The following ESYT3 variants were observed in gnomAD, a reference collection of about 807,000 sequenced individuals.
ESYT3 encodes extended synaptotagmin-3.
In ESYT3, 101 loss-of-function variants were observed where a neutral mutation model predicts 111.5. The ratio of observed to expected loss-of-function variants is 0.91; its 90% CI spans 0.77 to 1.07. ESYT3 has a LOEUF of 1.07. Among genes scored for constraint, ESYT3 ranks in the 50% least tolerant of loss-of-function variants. The pLI, the probability that ESYT3 is intolerant of heterozygous loss-of-function variation, is 0.00. For synonymous variants in ESYT3, 416 were observed against 446.8 expected (o/e 0.93, Z 0.87); for missense variants, 1,097 against 1,109.4 (o/e 0.99, Z 0.16).
At chr3:138,445,162 T>C (rs1442421458) in intron 1 of ESYT3, among the ~76,000 whole-genome samples, 2 of 152,192 alleles carry the variant, frequency 1.3e-5, no homozygotes, top group African/African-American at 4.8e-5. Flanking sequence ...GCAGAGCTCT[T>C]TGCACTGCCA....
intron 16 of ESYT3, chr3:138,470,394 A>G: frequency 1.6e-6 from 2 of 1,221,238 alleles, no homozygotes; most frequent in Non-Finnish European, 2.1e-6. Context: ...AAGGGTCTTT[A>G]TATTTGCTAC....
At chr3:138,441,314 C>T (rs952927431) in intron 1 of ESYT3, among the ~76,000 whole-genome samples, 8 of 152,166 alleles carry the variant, frequency 5.3e-5, no homozygotes, top group South Asian at 2.1e-4. Context: ...CAGCCAGGGG[C>T]CTGAGGCCCT....
chr3:138,456,136 G>GAGAT (rs894317475), intron 3 of ESYT3, among the ~76,000 whole-genome samples: 3 of 152,258 alleles, frequency 2.0e-5, no homozygotes, highest in African/African-American at 7.2e-5. Flanking sequence ...CTGAGCCCTG[G>GAGAT]AGATTGGGAT....
chr3:138,468,557 G>A (rs1047268001), intron 12 of ESYT3, 98 bp from the exon 13 acceptor site: 1 of 1,243,866 alleles, frequency 8.0e-7, no homozygotes, highest in Non-Finnish European at 1.2e-6. Flanking sequence ...GAGTGTGAAG[G>A]CTAGCTGGCT....
intron 3 of ESYT3, 23 bp from the exon 4 acceptor site, chr3:138,457,545 A>G: frequency 6.2e-7 from 1 of 1,613,178 alleles, no homozygotes; most frequent in Non-Finnish European, 8.5e-7. Context: ...CCTCTGACCT[A>G]GCCCTTTTGG....
chr3:138,460,125 G>A, intron 6 of ESYT3, 91 bp downstream of exon 6: 2 of 1,154,758 alleles, frequency 1.7e-6, no homozygotes, highest in Non-Finnish European at 2.6e-6. Flanking sequence ...GTCCAAGAAT[G>A]GACATTGTCC....
At chr3:138,464,607 G>A (rs2032830013) in intron 9 of ESYT3, 92 bp downstream of exon 9, 10 of 1,361,158 alleles carry the variant, frequency 7.3e-6, no homozygotes, top group Non-Finnish European at 1.0e-5. Flanking sequence ...AGTGGGCCTT[G>A]GAGACAGGCA....
chr3:138,447,847 A>T (rs1386025893), intron 1 of ESYT3, among the ~76,000 whole-genome samples: 2 of 152,084 alleles, frequency 1.3e-5, no homozygotes, highest in African/African-American at 4.8e-5. Flanking sequence ...CTTATAATTT[A>T]AAAAATATAA....
intron 1 of ESYT3, among the ~76,000 whole-genome samples, chr3:138,449,273 A>T (rs775181283): frequency 1.8e-4 from 28 of 151,622 alleles, no homozygotes; most frequent in Non-Finnish European, 3.2e-4. Context: ...TTTAGTAGAG[A>T]TGGAGTTTTG....
intron 4 of ESYT3, among the ~76,000 whole-genome samples, chr3:138,458,718 C>T (rs1247559843): frequency 6.6e-6 from 1 of 152,200 alleles, no homozygotes; most frequent in Non-Finnish European, 1.5e-5. Flanking sequence ...TACCTTTGCC[C>T]ACCTCCACCA....
intron 6 of ESYT3, among the ~76,000 whole-genome samples, chr3:138,460,298 C>T (rs1449946843): frequency 6.6e-6 from 1 of 152,206 alleles, no homozygotes; most frequent in African/African-American, 2.4e-5. Flanking sequence ...TTTCAAAGTC[C>T]AGGCCAGCCT....
At chr3:138,468,912 G>C (rs747616884) in intron 14 of ESYT3, 31 bp downstream of exon 14, 2 of 1,611,678 alleles carry the variant, frequency 1.2e-6, no homozygotes, top group Non-Finnish European at 8.5e-7. Flanking sequence ...AAACTCCAGG[G>C]AGGGCAAATC....
In ESYT3 at chr3:138,464,353, C is replaced by G. The variant is rs1282007749; in HGVS notation, c.924C>G (p.Ile308Met). The G allele has an allele frequency of 6.2e-7, 1 of 1,613,902 alleles. No homozygotes were observed. Among genetic ancestry groups the G allele is most frequent in the Non-Finnish European group, 8.5e-7 (1 of 1,179,948 alleles). ...GCTTGGACATTTTCCAGGGGGTGAT[C>G]AGAGTGCACTTGCTGGAGGCAGAGC... ...NLRFPLPCGV[I>M]RVHLLEAEQL... Residue 308 changes from isoleucine (I) to methionine (M), a missense_variant, in exon 9 of 23, where the codon ATC becomes ATG. Transcript: ENST00000389567.
chr3:138,453,211 T>C (rs2032056133), intron 2 of ESYT3, among the ~76,000 whole-genome samples: 1 of 152,180 alleles, frequency 6.6e-6, no homozygotes, highest in Non-Finnish European at 1.5e-5. Context: ...TCCTGCACTG[T>C]GTTAGCTGGT....
Position 138,462,136 on chromosome 3 carries a change from T to C in ESYT3, c.845T>C (p.Leu282Pro). Residue 282 changes from leucine (L) to proline (P), a missense_variant, in exon 8 of 23, where the codon CTG becomes CCG. Transcript: ENST00000389567. ...GACCTCATTGCCACCCACCTGGTGCTGCCCAACCGTGTGACTGTGCCTGTG... is the reference window on the plus strand; with the variant it reads ...GACCTCATTGCCACCCACCTGGTGCCGCCCAACCGTGTGACTGTGCCTGTG... ...LEDLIATHLV[L>P]PNRVTVPVKK... 6.2e-7 allele frequency: 1 copy of C among 1,614,192 alleles called. No individual in the cohort carries two copies. Among genetic ancestry groups the C allele is most frequent in the Non-Finnish European group, 8.5e-7 (1 of 1,180,026 alleles).
intron 16 of ESYT3, 191 bp from the exon 17 acceptor site, chr3:138,470,684 GTC>G: frequency 2.1e-6 from 3 of 1,411,416 alleles, no homozygotes; most frequent in Non-Finnish European, 2.8e-6. Context: ...TCTACTCTGA[GTC>G]ACTATCTTCC....
intron 5 of ESYT3, 40 bp downstream of exon 5, chr3:138,459,293 C>A: frequency 1.4e-6 from 2 of 1,478,540 alleles, no homozygotes; most frequent in Non-Finnish European, 1.8e-6. Flanking sequence ...TTCCAGCCCC[C>A]AGGGTGGGGA....
chr3:138,452,998 C>T (rs1240789476), intron 2 of ESYT3, among the ~76,000 whole-genome samples: 3 of 152,184 alleles, frequency 2.0e-5, no homozygotes, highest in African/African-American at 4.8e-5. Flanking sequence ...GCAGGAGGAT[C>T]GTTTCAGCCT....
At chr3:138,474,126 G>C (rs1228115212) in intron 19 of ESYT3, 95 bp from the exon 20 acceptor site, 2 of 1,506,136 alleles carry the variant, frequency 1.3e-6, no homozygotes, top group Non-Finnish European at 9.0e-7. Flanking sequence ...TGTTTGAAGT[G>C]TTTGAAACTC....
Sources: gnomAD v4.1 joint callset for allele counts (sites outside exome capture counted in the v4.1 genomes callset) on GRCh38, gnomAD v4.1.1 for gene constraint, MANE v1.5 for transcripts, NCBI Gene and HGNC (gene_info 2026-07-23, HGNC 2026-07-21) for gene names.